The following ITK variants were observed in gnomAD, a reference collection of about 807,000 sequenced individuals.
ITK encodes the protein IL2 inducible T cell kinase.
Under a neutral mutation model 87.6 loss-of-function variants are expected in ITK, and 45 were observed. That is an observed-to-expected ratio of 0.51 (90% CI 0.40 to 0.66). ITK has a LOEUF of 0.66. Ranked by LOEUF, ITK falls within the 30% of genes least tolerant of loss-of-function variation. The pLI is 0.00. For missense variants in ITK, 605 were observed against 766.3 expected (o/e 0.79, Z 2.48); for synonymous variants, 303 against 273.6 (o/e 1.11, Z -1.06).
intron 4 of ITK, among the ~76,000 whole-genome samples, chr5:157,217,136 G>A (rs1465621410): frequency 6.6e-6 from 1 of 151,878 alleles, no homozygotes; most frequent in African/African-American, 2.4e-5. Flanking sequence ...CCTTTGCAGA[G>A]CTACAAAGGA....
Position 157,254,232 on chromosome 5 carries a change from T to C in ITK, c.*1554T>C, listed in dbSNP as rs1755207531. On this transcript the variant is annotated 3_prime_UTR_variant, in exon 17 of 17. Transcript: ENST00000422843. ...CTCTGGCACAGACCACTGTGGTTGA[T>C]GGCATGGCCCTCCAACTTGGAATAG... 1.7e-5 allele frequency: 4 copies of C among 230,080 alleles called. No homozygotes were observed. The East Asian group carries it at 2.5e-4, about 14-fold the overall frequency. 14.3% of individuals were successfully genotyped at this position (230,080 alleles called of 1,614,324 possible).
chr5:157,210,608 T>C (rs933798144), intron 2 of ITK, among the ~76,000 whole-genome samples: 5 of 151,050 alleles, frequency 3.3e-5, no homozygotes, highest in African/African-American at 1.2e-4. Flanking sequence ...GTTAGTTACA[T>C]ATGTATACAT....
intron 16 of ITK, among the ~76,000 whole-genome samples, chr5:157,250,007 TC>T (rs1304276560): frequency 6.6e-6 from 1 of 152,200 alleles, no homozygotes; most frequent in Non-Finnish European, 1.5e-5. Context: ...CTGAACAGTT[TC>T]CCTGTTCACT....
Position 157,180,961 on chromosome 5 carries a change from C to T in ITK, c.-17C>T. On this transcript the variant is annotated 5_prime_UTR_variant, in exon 1 of 17. Transcript: ENST00000422843. The stretch of plus-strand genomic sequence containing the variant: ...AGAGGTGATGCCCAAGGTGCACCAC[C>T]TTTCAAGAACTGGATCATGAACAAC... 6.2e-7 allele frequency: 1 copy of T among 1,613,482 alleles called. No individual in the cohort carries two copies. The highest frequency in any genetic ancestry group is 1.7e-4 in the Middle Eastern group (1 of 6,058).
intron 8 of ITK, among the ~76,000 whole-genome samples, chr5:157,237,708 A>G (rs1754805287): frequency 6.6e-6 from 1 of 152,204 alleles, no homozygotes; most frequent in South Asian, 2.1e-4. Context: ...GAATTCTGTC[A>G]CTTTCTAGTT....
At chr5:157,198,579 AG>A (rs748703784) in intron 1 of ITK, among the ~76,000 whole-genome samples, 2 of 152,186 alleles carry the variant, frequency 1.3e-5, no homozygotes, top group Admixed American at 6.5e-5. Context: ...AAGGTGGTCC[AG>A]GGAGCCTTGA....
intron 15 of ITK, among the ~76,000 whole-genome samples, chr5:157,246,893 A>G (rs1363790617): frequency 6.6e-6 from 1 of 152,224 alleles, no homozygotes; most frequent in African/African-American, 2.4e-5. Context: ...TAAAAAGTGC[A>G]AATGGCCATG....
intron 8 of ITK, among the ~76,000 whole-genome samples, chr5:157,236,101 C>T (rs188162034): frequency 7.9e-5 from 12 of 152,176 alleles, no homozygotes; most frequent in African/African-American, 2.4e-4. Context: ...AGGCCAGGCA[C>T]GGTGGCTCAT....
intron 1 of ITK, among the ~76,000 whole-genome samples, chr5:157,187,253 AC>A (rs1448321314): frequency 6.6e-6 from 1 of 152,046 alleles, no homozygotes; most frequent in African/African-American, 2.4e-5. Context: ...TAATTTCCCC[AC>A]CTCACCCTCC....
intron 13 of ITK, chr5:157,245,240 A>G (rs1187971990): frequency 2.9e-5 from 6 of 207,494 alleles, no homozygotes; most frequent in Admixed American, 5.3e-5. Flanking sequence ...AAAAAAAAAA[A>G]AAAAATTGAG....
chr5:157,209,546 A>C (rs1457563925), intron 2 of ITK, among the ~76,000 whole-genome samples: 1 of 152,168 alleles, frequency 6.6e-6, no homozygotes, highest in Non-Finnish European at 1.5e-5. Flanking sequence ...CCTTTCCCTC[A>C]TGTCTTCTCT....
chr5:157,249,889 A>G (rs1292010072), intron 16 of ITK, among the ~76,000 whole-genome samples: 9 of 152,204 alleles, frequency 5.9e-5, no homozygotes, highest in Non-Finnish European at 4.4e-5. Flanking sequence ...GATGGCTGAC[A>G]TTCAGTTGGC....
chr5:157,238,336 C>A, intron 9 of ITK, 145 bp downstream of exon 9: 1 of 715,894 alleles, frequency 1.4e-6, no homozygotes, highest in South Asian at 1.5e-5. Context: ...CCGAGAAAAC[C>A]AAAGCCATGG....
intron 2 of ITK, among the ~76,000 whole-genome samples, chr5:157,209,372 G>T (rs1467075979): frequency 6.6e-6 from 1 of 151,786 alleles, no homozygotes; most frequent in Non-Finnish European, 1.5e-5. Flanking sequence ...AGAGAGGGTG[G>T]ACACGGATGA....
In ITK at chr5:157,211,202, C is replaced by T. The variant is rs912915751; in HGVS notation, c.244-85C>T. On this transcript the variant is annotated intron_variant, in intron 2 of 16. Transcript: ENST00000422843. ...CCTATATGACGATAAACACCCGAGA[C>T]CCCACTCTCGGCTCAGTAGGTCTGC... 2.4e-5 allele frequency: 26 copies of T among 1,098,688 alleles called. No individual in the cohort carries two copies. In the African/African-American group the frequency reaches 3.1e-4, roughly 13 times the overall value. The allele number at this position is 1,098,688 out of a possible 1,614,324, so 68.1% of individuals were successfully genotyped here. A position where few individuals can be genotyped will look rare whatever the true frequency, so the allele number is the denominator to read the frequency against.
At chr5:157,198,613 C>T (rs1031135510) in intron 1 of ITK, among the ~76,000 whole-genome samples, 3 of 152,128 alleles carry the variant, frequency 2.0e-5, no homozygotes, top group Non-Finnish European at 2.9e-5. Context: ...TAGCTCCAGA[C>T]TTTCCCAGAG....
chr5:157,232,421 C>T lies in ITK; in HGVS notation c.768+27C>T, dbSNP rs779004979. 29 of 1,536,708 alleles carry T rather than the reference C, an allele frequency of 1.9e-5. No individual in the cohort carries two copies. The Admixed American group carries it at 2.4e-4, about 13-fold the overall frequency. Reference sequence around the variant, plus strand: ...TAAGTCTCCTTAACCTGTCTTTTGACATAAAATAAAATGAATTAAGTGCAC... The same window carrying T: ...TAAGTCTCCTTAACCTGTCTTTTGATATAAAATAAAATGAATTAAGTGCAC... On this transcript the variant is annotated intron_variant, in intron 8 of 16. Transcript: ENST00000422843.
chr5:157,244,222 C>T, intron 12 of ITK, 40 bp from the exon 13 acceptor site: 1 of 1,527,152 alleles, frequency 6.5e-7, no homozygotes. Context: ...TTTTGGGAGA[C>T]TGAGTTTAGG....
At position 157,252,620 on chromosome 5, in the gene ITK, G is replaced by A. The variant is rs748509752; in HGVS notation, c.1805G>A (p.Arg602Gln). The change falls in exon 17 of 17, where the codon CGG becomes CAG. Residue 602 changes from arginine (R) to glutamine (Q), a missense_variant. Coordinates refer to ENST00000422843, the MANE Select transcript of ITK (RefSeq NM_005546.4). ...TTCCCTCTCCAGAGACCAGAAGATC[G>A]GCCAGCCTTCTCCAGACTGCTGCGT... ...NHCWKERPEDRPAFSRLLRQL... is the reference protein window; with the variant it reads ...NHCWKERPEDQPAFSRLLRQL... 3.1e-6 allele frequency: 5 copies of A among 1,613,940 alleles called. No individual in the cohort carries two copies. The highest frequency in any genetic ancestry group is 1.7e-5 in the Admixed American group (1 of 60,024).
Sources: allele counts gnomAD v4.1 joint callset (sites outside exome capture counted in the v4.1 genomes callset), GRCh38; gene constraint gnomAD v4.1.1; transcripts MANE v1.5; gene names NCBI Gene and HGNC (gene_info 2026-07-23, HGNC 2026-07-21).